The following SLC12A8 variants were observed in gnomAD, a reference collection of about 807,000 sequenced individuals.
SLC12A8 encodes the protein solute carrier family 12 member 8.
A neutral mutation model predicts 75.6 loss-of-function variants in SLC12A8; 69 were observed. The ratio of observed to expected loss-of-function variants is 0.91; its 90% CI spans 0.75 to 1.11. The LOEUF (loss-of-function observed/expected upper bound fraction) is 1.11. Ranked by LOEUF, SLC12A8 falls within the 50% of genes most tolerant of loss-of-function variation. The pLI is 0.00. For synonymous variants in SLC12A8, 365 were observed against 372.8 expected (o/e 0.98, Z 0.24); for missense variants, 877 against 896.7 (o/e 0.98, Z 0.28).
chr3:125,100,143 G>A (rs1187439481), intron 10 of SLC12A8, among the ~76,000 whole-genome samples: 4 of 152,112 alleles, frequency 2.6e-5, no homozygotes, highest in African/African-American at 9.7e-5. Flanking sequence ...GAGTCTCAGA[G>A]GCCTAATGGG....
chr3:125,100,846 T>C (rs1205487549), intron 10 of SLC12A8, among the ~76,000 whole-genome samples: 12 of 147,402 alleles, frequency 8.1e-5, no homozygotes, highest in Admixed American at 6.0e-4. Flanking sequence ...ACCCCGTCTC[T>C]ACTAAAAATA....
chr3:125,104,507 G>GAAAAAAAAAAAAAA (rs35777145), intron 10 of SLC12A8, among the ~76,000 whole-genome samples: 1 of 125,228 alleles, frequency 8.0e-6, no homozygotes, highest in Non-Finnish European at 1.7e-5. Flanking sequence ...GTTCAAATTA[G>GAAAAAAAAAAAAAA]AAAAAAAAAA....
chr3:125,188,945 C>T (rs1331778325), intron 3 of SLC12A8, among the ~76,000 whole-genome samples: 2 of 152,224 alleles, frequency 1.3e-5, no homozygotes, highest in African/African-American at 4.8e-5. Context: ...GAATCCTGTA[C>T]ATCCCACTAT....
intron 1 of SLC12A8, 122 bp from the exon 2 acceptor site, chr3:125,211,516 C>G: frequency 1.5e-6 from 1 of 662,462 alleles, no homozygotes; most frequent in Non-Finnish European, 2.7e-6. Context: ...AGGAAGAAAC[C>G]TTGTCTACCT....
intron 5 of SLC12A8, among the ~76,000 whole-genome samples, chr3:125,166,104 C>T (rs1934281270): frequency 6.6e-6 from 1 of 152,176 alleles, no homozygotes; most frequent in African/African-American, 2.4e-5. Context: ...CACCGCTTCT[C>T]CTGCTCCCAT....
chr3:125,138,671 C>T (rs1324429595), intron 5 of SLC12A8, among the ~76,000 whole-genome samples: 1 of 152,044 alleles, frequency 6.6e-6, no homozygotes, highest in African/African-American at 2.4e-5. Flanking sequence ...CAATTACAGG[C>T]AATTCTTGTA....
intron 2 of SLC12A8, among the ~76,000 whole-genome samples, chr3:125,193,552 G>A (rs955497015): frequency 6.6e-6 from 1 of 152,204 alleles, no homozygotes; most frequent in Admixed American, 6.5e-5. Context: ...TCTGTCCTGC[G>A]TGCTCTCCCG....
At chr3:125,208,227 A>G (rs989214224) in intron 2 of SLC12A8, among the ~76,000 whole-genome samples, 1 of 152,210 alleles carries the variant, frequency 6.6e-6, no homozygotes, top group Non-Finnish European at 1.5e-5. Flanking sequence ...ACCCAGGCCT[A>G]GAAAGCACAC....
chr3:125,184,786 A>G (rs1435526705), intron 4 of SLC12A8, among the ~76,000 whole-genome samples: 1 of 151,798 alleles, frequency 6.6e-6, no homozygotes, highest in Non-Finnish European at 1.5e-5. Context: ...GGAATCAATA[A>G]AGGTCAGAGC....
At chr3:125,195,072 T>C (rs900897940) in intron 2 of SLC12A8, among the ~76,000 whole-genome samples, 1 of 152,220 alleles carries the variant, frequency 6.6e-6, no homozygotes, top group Non-Finnish European at 1.5e-5. Flanking sequence ...TTAGATGAGA[T>C]GATAGTTGTG....
chr3:125,104,366 C>T (rs1226462176), intron 10 of SLC12A8, among the ~76,000 whole-genome samples: 2 of 152,064 alleles, frequency 1.3e-5, no homozygotes, highest in African/African-American at 4.8e-5. Flanking sequence ...GCCCCAGCCT[C>T]CCAAAGTGCT....
At chr3:125,193,940 C>T (rs1319445343) in intron 2 of SLC12A8, among the ~76,000 whole-genome samples, 2 of 152,174 alleles carry the variant, frequency 1.3e-5, no homozygotes, top group African/African-American at 4.8e-5. Flanking sequence ...GACCTAGTGT[C>T]CCAGATTTGG....
chr3:125,083,953 G>A lies in SLC12A8; in HGVS notation c.2082C>T (p.Ala694=), dbSNP rs1174569333. 13 of 1,613,562 alleles carry A rather than the reference G, an allele frequency of 8.1e-6. No individual in the cohort carries two copies. The highest frequency in any genetic ancestry group is 3.3e-4 in the Middle Eastern group (2 of 6,084). The change falls in exon 14 of 14, where the codon GCC becomes GCT. Residue 694 remains alanine, a synonymous_variant. Coordinates refer to ENST00000469902, the MANE Select transcript of SLC12A8 (RefSeq NM_024628.6). ...AGGAGTGGTGGTAGCGATCCCGAGT[G>A]GCGAAGTCTGCATTCTCCTGGGTGA... is the stretch of plus-strand genomic sequence containing the variant. ...TQLTQENADF[A]TRDRYHHSSL... is the part of the protein sequence containing the mutation.
intron 3 of SLC12A8, 57 bp from the exon 4 acceptor site, chr3:125,187,485 C>A: frequency 6.6e-7 from 1 of 1,518,926 alleles, no homozygotes; most frequent in African/African-American, 1.4e-5. Flanking sequence ...CCGCCAGCTC[C>A]CTGCTGGGGG....
intron 12 of SLC12A8, among the ~76,000 whole-genome samples, chr3:125,089,735 C>T (rs1354915791): frequency 7.9e-5 from 1 of 12,624 alleles, no homozygotes; most frequent in African/African-American, 4.2e-4. Context: ...GTTGCCCAGG[C>T]TGGAGTGCAA....
At chr3:125,180,037 T>G (rs962170958) in intron 4 of SLC12A8, among the ~76,000 whole-genome samples, 8 of 152,224 alleles carry the variant, frequency 5.3e-5, no homozygotes, top group African/African-American at 1.9e-4. Context: ...CTGTTTTTTT[T>G]TTCCTAGCAG....
chr3:125,145,019 C>T (rs1346769191), intron 5 of SLC12A8, among the ~76,000 whole-genome samples: 1 of 152,198 alleles, frequency 6.6e-6, no homozygotes, highest in Non-Finnish European at 1.5e-5. Flanking sequence ...CAAAGCAGGG[C>T]CTCCCTCAGA....
chr3:125,104,687 A>C (rs1185138406), intron 10 of SLC12A8, among the ~76,000 whole-genome samples: 1 of 152,174 alleles, frequency 6.6e-6, no homozygotes, highest in Non-Finnish European at 1.5e-5. Flanking sequence ...TTAAAAAACA[A>C]TTTTATCAGC....
chr3:125,137,408 C>A (rs1269626140), intron 5 of SLC12A8, among the ~76,000 whole-genome samples: 1 of 152,166 alleles, frequency 6.6e-6, no homozygotes, highest in Non-Finnish European at 1.5e-5. Context: ...TTGTAGCTGG[C>A]CCTCCCCTCA....
Sources: gnomAD v4.1 joint callset for allele counts (sites outside exome capture counted in the v4.1 genomes callset) on GRCh38, gnomAD v4.1.1 for gene constraint, MANE v1.5 for transcripts, NCBI Gene and HGNC (gene_info 2026-07-23, HGNC 2026-07-21) for gene names.